MYOZ2: variants seen among roughly 807,000 people sequenced by gnomAD.
MYOZ2 encodes myozenin-2.
Under a neutral mutation model 25.4 loss-of-function variants are expected in MYOZ2, and 19 were observed. That is an observed-to-expected ratio of 0.75 (90% confidence interval 0.52 to 1.10). The LOEUF is 1.10. MYOZ2 is among the 50% of genes least tolerant of loss of function. The pLI is 0.00. For synonymous variants in MYOZ2, 92 were observed against 106.9 expected, an observed-to-expected ratio of 0.86 and a Z score of 0.86; for missense variants, 270 against 317.9, an observed-to-expected ratio of 0.85 and a Z score of 1.15.
At chr4:119,148,528 G>A (rs530607632) in intron 2 of MYOZ2, among the ~76,000 whole-genome samples, 9 of 151,684 alleles carry the variant, frequency 5.9e-5, no homozygotes, top group East Asian at 1.9e-4. Flanking sequence ...AGAATACCTC[G>A]TTCATTTGTT....
intron 5 of MYOZ2, among the ~76,000 whole-genome samples, chr4:119,173,851 G>T (rs1344310759): frequency 6.6e-6 from 1 of 152,234 alleles, no homozygotes; most frequent in Non-Finnish European, 1.5e-5. Flanking sequence ...TTCTGGGTGG[G>T]CATGGGCTTG....
At chr4:119,164,069 G>T in intron 4 of MYOZ2, 142 bp from the exon 5 acceptor site, 1 of 756,880 alleles carries the variant, frequency 1.3e-6, no homozygotes, top group South Asian at 1.6e-5. Context: ...CTTGCAGACT[G>T]CTGTTTTCTA....
rs958804778 is a variant in MYOZ2, at chr4:119,140,654, A to G, written c.76+4053A>G. On this transcript the variant is annotated intron_variant, in intron 2 of 5. Transcript: ENST00000307128. ...TATTTTACACTGAAGTTGAAATTGC[A>G]GAGTTCAATTCTAGCTATGTTATTC... 1.8e-4 allele frequency among the ~76,000 whole-genome samples: 27 copies of G among 152,222 alleles called. 1 individual carries two copies. The highest frequency in any genetic ancestry group is 1.8e-3 in the Admixed American group (27 of 15,280).
chr4:119,148,025 T>C (rs1385915380), intron 2 of MYOZ2, among the ~76,000 whole-genome samples: 1 of 152,166 alleles, frequency 6.6e-6, no homozygotes, highest in East Asian at 1.9e-4. Flanking sequence ...TCTTTTAGGG[T>C]AGGCTTTCAG....
At chr4:119,170,372 C>A (rs1741923745) in intron 5 of MYOZ2, among the ~76,000 whole-genome samples, 1 of 151,046 alleles carries the variant, frequency 6.6e-6, no homozygotes, top group Admixed American at 6.6e-5. Flanking sequence ...CTATAAAAGT[C>A]AAAATATTGA....
chr4:119,155,832 G>A (rs1330988531), intron 3 of MYOZ2, among the ~76,000 whole-genome samples: 1 of 152,150 alleles, frequency 6.6e-6, no homozygotes, highest in Non-Finnish European at 1.5e-5. Context: ...ACATGATAAA[G>A]TATGAGCAAT....
chr4:119,158,211 A>C, intron 4 of MYOZ2, 60 bp downstream of exon 4: 145 of 1,576,768 alleles, frequency 9.2e-5, no homozygotes, highest in Middle Eastern at 1.7e-4. Context: ...GATATGACTC[A>C]AGGCATTTAA....
At chr4:119,184,634 T>C (rs559620263) in intron 5 of MYOZ2, among the ~76,000 whole-genome samples, 1 of 152,244 alleles carries the variant, frequency 6.6e-6, no homozygotes, top group African/African-American at 2.4e-5. Context: ...TTCACTAGAA[T>C]GTAAGAACTA....
intron 4 of MYOZ2, among the ~76,000 whole-genome samples, chr4:119,160,647 GA>G (rs1469054329): frequency 4.6e-5 from 7 of 151,936 alleles, no homozygotes; most frequent in Non-Finnish European, 7.4e-5. Context: ...TTTGTGGGGG[GA>G]AAACTGCATG....
chr4:119,147,622 T>C (rs1741331264), intron 2 of MYOZ2, among the ~76,000 whole-genome samples: 2 of 151,706 alleles, frequency 1.3e-5, no homozygotes, highest in South Asian at 4.2e-4. Flanking sequence ...CAGGCACTTG[T>C]AATCCCAGCT....
chr4:119,159,678 A>G (rs1741663628), intron 4 of MYOZ2, among the ~76,000 whole-genome samples: 1 of 152,146 alleles, frequency 6.6e-6, no homozygotes, highest in African/African-American at 2.4e-5. Context: ...ATTTAGCAAA[A>G]GTACTCCTAG....
intron 5 of MYOZ2, among the ~76,000 whole-genome samples, chr4:119,169,296 G>T (rs1209739286): frequency 6.6e-6 from 1 of 152,122 alleles, no homozygotes; most frequent in African/African-American, 2.4e-5. Context: ...CATGCAACTT[G>T]CTCTCTTGTG....
intron 5 of MYOZ2, among the ~76,000 whole-genome samples, chr4:119,184,034 C>T (rs537359475): frequency 5.3e-5 from 8 of 152,036 alleles, no homozygotes; most frequent in Admixed American, 2.6e-4. Flanking sequence ...AGGCTGGTCT[C>T]GAACTCCCGA....
chr4:119,139,395 A>G (rs1227427240), intron 2 of MYOZ2, among the ~76,000 whole-genome samples: 2 of 152,220 alleles, frequency 1.3e-5, no homozygotes, highest in African/African-American at 2.4e-5. Context: ...ATTTGCCATT[A>G]TCTATGCATG....
At chr4:119,184,153 A>G (rs908289577) in intron 5 of MYOZ2, among the ~76,000 whole-genome samples, 4 of 152,166 alleles carry the variant, frequency 2.6e-5, no homozygotes, top group African/African-American at 9.7e-5. Context: ...AGCAGCCAGA[A>G]TGACCCTTAT....
intron 4 of MYOZ2, among the ~76,000 whole-genome samples, chr4:119,162,490 C>T (rs946330365): frequency 6.6e-6 from 1 of 152,172 alleles, no homozygotes; most frequent in Non-Finnish European, 1.5e-5. Context: ...GCAAGAGACA[C>T]CTGGACCTGA....
intron 4 of MYOZ2, among the ~76,000 whole-genome samples, chr4:119,162,244 T>C (rs75718041): frequency 0.017 from 2,523 of 152,092 alleles, 83 homozygotes; most frequent in African/African-American, 0.058. Context: ...AGTAACTAGA[T>C]CCATAGTCCT....
intron 5 of MYOZ2, among the ~76,000 whole-genome samples, chr4:119,184,109 C>T (rs535714018): frequency 1.3e-5 from 2 of 152,324 alleles, no homozygotes; most frequent in South Asian, 4.1e-4. Context: ...ACCACTGGCA[C>T]TGTTGTCTTC....
intron 4 of MYOZ2, 77 bp downstream of exon 4, chr4:119,158,228 T>C: frequency 6.5e-7 from 1 of 1,539,408 alleles, no homozygotes; most frequent in Non-Finnish European, 9.0e-7. Flanking sequence ...TTAAAGCCTT[T>C]ATTGAATAGT....
Sources: gnomAD v4.1 joint callset for allele counts (sites outside exome capture counted in the v4.1 genomes callset) on GRCh38, gnomAD v4.1.1 for gene constraint, MANE v1.5 for transcripts, NCBI Gene and HGNC (gene_info 2026-07-23, HGNC 2026-07-21) for gene names.